Variants in EXOC4 observed in about 807,000 individuals in gnomAD.
The protein encoded by EXOC4 is SEC8-like 1.
A neutral mutation model predicts 107.2 loss-of-function variants in EXOC4; 71 were observed. The observed-to-expected ratio is 0.66, with a 90% CI of 0.55 to 0.81. EXOC4 has a LOEUF of 0.81. Ranked by LOEUF, EXOC4 falls within the 30% of genes least tolerant of loss-of-function variation. The pLI, the probability that EXOC4 is intolerant of heterozygous loss-of-function variation, is 0.00. For synonymous variants in EXOC4, 456 were observed against 441.2 expected, an observed-to-expected ratio of 1.03 and a Z score of -0.42; for missense variants, 1,108 against 1,189.6, an observed-to-expected ratio of 0.93 and a Z score of 1.01.
the EXOC4 span, among the ~76,000 whole-genome samples, chr7:134,073,217 AAAAAAAAAAAAAAAAC>A: frequency 2.2e-5 from 1 of 45,208 alleles, no homozygotes; most frequent in Non-Finnish European, 3.6e-5. Flanking sequence ...AAAAAAAAAA[AAAAAAAAAAAAAAAAC>A]AACAAAGAAA....
chr7:133,616,721 T>C (rs1487953342), intron 9 of EXOC4, among the ~76,000 whole-genome samples: 1 of 152,162 alleles, frequency 6.6e-6, no homozygotes, highest in African/African-American at 2.4e-5. Context: ...TATTTATTCC[T>C]AAAGCTTTAC....
At chr7:133,388,687 CATCAAAT>C (rs1264863468) in intron 7 of EXOC4, among the ~76,000 whole-genome samples, 1 of 152,086 alleles carries the variant, frequency 6.6e-6, no homozygotes, top group Non-Finnish European at 1.5e-5. Context: ...ATTTCTTTAT[CATCAAAT>C]ATCCAGTCAG....
intron 9 of EXOC4, among the ~76,000 whole-genome samples, chr7:133,534,014 C>A (rs1052620566): frequency 6.6e-6 from 1 of 152,136 alleles, no homozygotes. Flanking sequence ...GTCCACAAGG[C>A]ATTTGAGAAT....
Position 133,807,298 on chromosome 7 carries a change from G to A in EXOC4, c.1515-10027G>A, listed in dbSNP as rs77743898. 8.6e-3 allele frequency among the ~76,000 whole-genome samples: 1,317 copies of A among 152,300 alleles called. 23 individuals are homozygous for A. Among genetic ancestry groups the A allele is most frequent in the African/African-American group, 0.029 (1,215 of 41,572 alleles). Reference sequence around the variant, plus strand: ...ATAGTAAAAGCACAGTCCTCATAGAGTGTCTGTGAAAGTCACATAAAAAAG... The same window carrying A: ...ATAGTAAAAGCACAGTCCTCATAGAATGTCTGTGAAAGTCACATAAAAAAG... On this transcript the variant is annotated intron_variant, in intron 10 of 17. Coordinates refer to ENST00000253861, the MANE Select transcript of EXOC4 (RefSeq NM_021807.4).
At chr7:133,493,500 A>G (rs763404663) in intron 9 of EXOC4, among the ~76,000 whole-genome samples, 4 of 152,206 alleles carry the variant, frequency 2.6e-5, no homozygotes, top group African/African-American at 4.8e-5. Flanking sequence ...GTTAACAACT[A>G]TTATTTTACC....
At chr7:133,326,976 T>A (rs1230284810) in intron 5 of EXOC4, among the ~76,000 whole-genome samples, 1 of 152,158 alleles carries the variant, frequency 6.6e-6, no homozygotes, top group Non-Finnish European at 1.5e-5. Context: ...TAGCAATGAG[T>A]GAGGCTCCAT....
At chr7:134,096,973 A>G in the EXOC4 span, among the ~76,000 whole-genome samples, 2 of 152,174 alleles carry the variant, frequency 1.3e-5, no homozygotes, top group African/African-American at 4.8e-5. Context: ...AAGTTGACTT[A>G]TAACTTGACA....
At chr7:133,606,892 G>T (rs911920674) in intron 9 of EXOC4, among the ~76,000 whole-genome samples, 2 of 151,946 alleles carry the variant, frequency 1.3e-5, no homozygotes, top group African/African-American at 2.4e-5. Flanking sequence ...CTTACAAATC[G>T]CTTTCTTTCT....
chr7:133,585,155 G>C (rs948123906), intron 9 of EXOC4, among the ~76,000 whole-genome samples: 11 of 152,164 alleles, frequency 7.2e-5, no homozygotes, highest in Admixed American at 7.2e-4. Flanking sequence ...ACATGCAAAG[G>C]TCAAATGCAA....
intron 1 of EXOC4, among the ~76,000 whole-genome samples, chr7:133,264,152 T>C (rs1438581326): frequency 6.6e-6 from 1 of 152,172 alleles, no homozygotes; most frequent in African/African-American, 2.4e-5. Context: ...CTCAGTTTTA[T>C]GCCTTAGTGG....
At chr7:133,664,911 T>C (rs1562898119) in intron 10 of EXOC4, among the ~76,000 whole-genome samples, 1 of 152,210 alleles carries the variant, frequency 6.6e-6, no homozygotes, top group Admixed American at 6.5e-5. Context: ...CAGGTCATTT[T>C]CATGGTATCT....
chr7:133,445,371 T>C (rs1404944416), intron 7 of EXOC4, among the ~76,000 whole-genome samples: 1 of 152,210 alleles, frequency 6.6e-6, no homozygotes, highest in African/African-American at 2.4e-5. Flanking sequence ...GATGTTGTAC[T>C]CTTTCCTTTG....
At chr7:133,545,402 G>C (rs540469664) in intron 9 of EXOC4, among the ~76,000 whole-genome samples, 1 of 151,936 alleles carries the variant, frequency 6.6e-6, no homozygotes, top group African/African-American at 2.4e-5. Context: ...GCCTAGAACC[G>C]CAGAAAACTT....
chr7:134,006,476 C>G (rs943944697), intron 16 of EXOC4, among the ~76,000 whole-genome samples: 1 of 152,094 alleles, frequency 6.6e-6, no homozygotes, highest in Non-Finnish European at 1.5e-5. Context: ...GTAACACATA[C>G]AAGTTTGTGG....
intron 9 of EXOC4, among the ~76,000 whole-genome samples, chr7:133,526,677 C>G (rs1268135304): frequency 6.6e-6 from 1 of 152,106 alleles, no homozygotes; most frequent in Non-Finnish European, 1.5e-5. Context: ...GAAACGTAAT[C>G]AAAAGTAGAT....
intron 7 of EXOC4, among the ~76,000 whole-genome samples, chr7:133,384,494 T>G (rs1377230448): frequency 1.3e-5 from 2 of 152,144 alleles, no homozygotes; most frequent in Non-Finnish European, 2.9e-5. Flanking sequence ...TCATCAAGAT[T>G]TGGTGCACCT....
intron 10 of EXOC4, among the ~76,000 whole-genome samples, chr7:133,690,311 A>G (rs1472431758): frequency 6.6e-6 from 1 of 152,204 alleles, no homozygotes; most frequent in Admixed American, 6.5e-5. Flanking sequence ...ACTTTTTAAG[A>G]TTCACTTCAC....
intron 10 of EXOC4, among the ~76,000 whole-genome samples, chr7:133,764,718 T>C (rs1031024635): frequency 2.0e-4 from 30 of 152,074 alleles, no homozygotes; most frequent in African/African-American, 7.2e-4. Flanking sequence ...TTGGGTAACA[T>C]TTCTAGATAA....
chr7:133,480,450 G>A, intron 9 of EXOC4: 4 of 1,127,544 alleles, frequency 3.5e-6, no homozygotes, highest in Non-Finnish European at 4.4e-6. Flanking sequence ...GGTCTTCTGC[G>A]ACTGCCACTG....
Sources: gnomAD v4.1 joint callset for allele counts (sites outside exome capture counted in the v4.1 genomes callset) on GRCh38, gnomAD v4.1.1 for gene constraint, MANE v1.5 for transcripts, NCBI Gene and HGNC (gene_info 2026-07-23, HGNC 2026-07-21) for gene names.